UCHL5: variants seen among roughly 807,000 people sequenced by gnomAD.
UCHL5 encodes ubiquitin C-terminal hydrolase L5.
In UCHL5, 34 loss-of-function variants were observed where a neutral mutation model predicts 53.8. The ratio of observed to expected loss-of-function variants is 0.63; its 90% CI spans 0.48 to 0.84. The LOEUF (loss-of-function observed/expected upper bound fraction) is 0.84, where lower values mean the gene tolerates loss of function less well. Among genes scored for constraint, UCHL5 ranks in the 40% least tolerant of loss-of-function variants. The pLI, the probability that UCHL5 is intolerant of heterozygous loss-of-function variation, is 0.00. For synonymous variants in UCHL5, 111 were observed against 126.3 expected, an observed-to-expected ratio of 0.88 and a Z score of 0.81; for missense variants, 290 against 385.6, an observed-to-expected ratio of 0.75 and a Z score of 2.08.
At chr1:193,017,351 ATC>A (rs1259466695) in intron 10 of UCHL5, among the ~76,000 whole-genome samples, 5 of 151,724 alleles carry the variant, frequency 3.3e-5, no homozygotes, top group Admixed American at 6.6e-5. Context: ...AACAATTACA[ATC>A]TCTTTTTGTA....
At position 193,022,964 on chromosome 1, in the gene UCHL5, G is replaced by A; in HGVS notation, c.805C>T (p.Leu269Phe). 1 of 1,612,790 alleles carries A rather than the reference G, an allele frequency of 6.2e-7. No individual in the cohort carries two copies. The highest frequency in any genetic ancestry group is 8.5e-7 in the Non-Finnish European group (1 of 1,179,282). Residue 269 changes from leucine (L) to phenylalanine (F), a missense_variant, in exon 9 of 11, where the codon CTT becomes TTT. Leu to Phe is a conservative substitution (Grantham distance 22). Coordinates refer to ENST00000367454, the MANE Select transcript of UCHL5 (RefSeq NM_001199261.3). The part of the protein sequence containing the change: ...IQSEVAKNQM[L>F]IEEEVQKLKR... ...AATTTCTGTACTTCTTCTTCAATAA[G>A]CATCTGATTTTTGGCAACTTCTGAC... is the stretch of plus-strand genomic sequence containing the variant.
upstream of UCHL5, chr1:193,059,867 A>C: frequency 7.3e-7 from 1 of 1,364,514 alleles, no homozygotes; most frequent in Non-Finnish European, 9.8e-7. The surrounding 1 kb of genome is among the most constrained non-coding windows in gnomAD (Gnocchi z 4.9). Context: ...TCTCACCCGC[A>C]TCCCAGGGGT....
chr1:193,058,829 GA>G (rs1280075501), intron 1 of UCHL5, among the ~76,000 whole-genome samples: 20 of 152,352 alleles, frequency 1.3e-4, no homozygotes, highest in Admixed American at 4.6e-4. Context: ...ACCAGCCCGG[GA>G]TAAGGTGCGC....
chr1:193,050,667 A>G (rs1668729803), intron 2 of UCHL5, among the ~76,000 whole-genome samples: 1 of 151,852 alleles, frequency 6.6e-6, no homozygotes. Flanking sequence ...AATCACTTGT[A>G]CCCGGGAGGC....
At position 193,049,839 on chromosome 1, in the gene UCHL5, C is replaced by G. The variant is rs1451499313; in HGVS notation, c.153G>C (p.Gly51=). 1 of 1,609,692 alleles carries G rather than the reference C, an allele frequency of 6.2e-7. No homozygotes were observed. Among genetic ancestry groups the G allele is most frequent in the East Asian group, 2.2e-5 (1 of 44,774 alleles). ...ENFEKLKPVH[G]LIFLFKWQPG... Reference sequence around the variant, plus strand: ...GCTGCCACTTGAAAAGAAAAATTAACCCATGAACTGGCCTACAAAATAAAA... The same window carrying G: ...GCTGCCACTTGAAAAGAAAAATTAAGCCATGAACTGGCCTACAAAATAAAA... The change falls in exon 3 of 11, where the codon GGG becomes GGC. Residue 51 remains glycine (G), a synonymous_variant. Transcript: ENST00000367454.
rs185614352 is a variant in UCHL5 at position 193,041,816 on chromosome 1, A to G, written c.246+7930T>C. Among the ~76,000 whole-genome samples, 4 of 152,288 alleles carry G rather than the reference A, an allele frequency of 2.6e-5. No homozygotes were observed. In the East Asian group the frequency reaches 5.8e-4, roughly 22 times the overall value. ...AATAAACTTATGGATGAATCTTAAC[A>G]ATATAATATTAAGTGAAAAAAGTAG... is the stretch of plus-strand genomic sequence containing the variant. On this transcript the variant is annotated intron_variant, in intron 3 of 10. Coordinates refer to ENST00000367454, the MANE Select transcript of UCHL5 (RefSeq NM_001199261.3).
At position 193,028,073 on chromosome 1, in the gene UCHL5, C is replaced by A. The variant is rs771635505; in HGVS notation, c.629+12G>T. On this transcript the variant is annotated intron_variant, in intron 7 of 10. Coordinates refer to ENST00000367454, the MANE Select transcript of UCHL5 (RefSeq NM_001199261.3). ...CAGAATATTATGCCAATGAGATTAG[C>A]TGAGCATTTACTTTTGTATCCTTTT... 1 of 1,602,388 alleles carries A rather than the reference C, an allele frequency of 6.2e-7. No homozygotes were observed. The highest frequency in any genetic ancestry group is 8.5e-7 in the Non-Finnish European group (1 of 1,177,208).
In UCHL5 at chr1:193,020,987, C is replaced by T. The variant is rs188566220; in HGVS notation, c.942+110G>A. ...AGAGGCAAAAGCAAAAGAATAAAAACGTACAAGCTTCCAAAAATTTTACCT... is the reference window on the plus strand; with the variant it reads ...AGAGGCAAAAGCAAAAGAATAAAAATGTACAAGCTTCCAAAAATTTTACCT... On this transcript the variant is annotated intron_variant, in intron 10 of 10. Coordinates refer to ENST00000367454, the MANE Select transcript of UCHL5 (RefSeq NM_001199261.3). 3.0e-3 allele frequency: 2,178 copies of T among 724,256 alleles called. 7 individuals are homozygous for T. The highest frequency in any genetic ancestry group is 3.9e-3 in the Non-Finnish European group (1,708 of 439,360). 44.9% of individuals were successfully genotyped at this position (724,256 alleles called of 1,614,324 possible).
chr1:193,029,944 A>G (rs1453899032), intron 3 of UCHL5, among the ~76,000 whole-genome samples: 1 of 152,188 alleles, frequency 6.6e-6, no homozygotes, highest in Admixed American at 6.5e-5. Context: ...TGGAAAACAT[A>G]GCTGATTAAG....
intron 1 of UCHL5, among the ~76,000 whole-genome samples, chr1:193,054,415 A>C (rs1670019220): frequency 1.3e-5 from 2 of 152,178 alleles, no homozygotes; most frequent in Admixed American, 1.3e-4. Flanking sequence ...CTGCCAAAAA[A>C]CACTCCCATA....
At position 193,013,034 on chromosome 1, in the gene UCHL5, C is replaced by T. The variant is rs968640620; in HGVS notation, c.*3317G>A. 3.9e-5 allele frequency: 6 copies of T among 152,116 alleles called. No individual in the cohort carries two copies. Among genetic ancestry groups the T allele is most frequent in the South Asian group, 2.1e-4 (1 of 4,832 alleles). The allele number at this position is 152,116 out of a possible 1,614,324, so 9.4% of individuals were successfully genotyped here. On this transcript the variant is annotated 3_prime_UTR_variant, in exon 11 of 11. Coordinates refer to ENST00000367454, the MANE Select transcript of UCHL5 (RefSeq NM_001199261.3). Reference sequence around the variant, plus strand: ...TAGGAATTCATACTACTCTAAAAAACGCAGTATCATTCTAAAAATATAACT... The same window carrying T: ...TAGGAATTCATACTACTCTAAAAAATGCAGTATCATTCTAAAAATATAACT...
At chr1:193,025,241 T>C (rs997462711) in intron 7 of UCHL5, among the ~76,000 whole-genome samples, 16 of 152,214 alleles carry the variant, frequency 1.1e-4, no homozygotes, top group Admixed American at 2.0e-4. Flanking sequence ...CATTCCACTA[T>C]AGCCAAACAT....
Position 193,029,193 on chromosome 1 carries a change from C to T in UCHL5, c.551G>A (p.Gly184Glu). The change falls in exon 6 of 11, where the codon GGA becomes GAA. Residue 184 changes from glycine (G) to glutamate (E), a missense_variant. Transcript: ENST00000367454. ...AACTGCATTACCTAAATCAATCGGT[C>T]CTTCTCTTAATCCATCTAATTCATA... The part of the protein sequence containing the change: ...RLYELDGLRE[G>E]PIDLGACNQD... The T allele has an allele frequency of 6.2e-7, 1 of 1,612,716 alleles. No homozygotes were observed. The highest frequency in any genetic ancestry group is 8.5e-7 in the Non-Finnish European group (1 of 1,179,550).
Position 193,059,059 on chromosome 1 carries a change from C to T in UCHL5, c.76+126G>A. 2 of 941,782 alleles carry T rather than the reference C, an allele frequency of 2.1e-6. No homozygotes were observed. The highest frequency in any genetic ancestry group is 3.1e-6 in the Non-Finnish European group (2 of 643,932). 58.3% of individuals were successfully genotyped at this position (941,782 alleles called of 1,614,324 possible). On this transcript the variant is annotated intron_variant, in intron 1 of 10. Transcript: ENST00000367454. The surrounding 1 kb of genome is among the most constrained non-coding windows in gnomAD (Gnocchi z 4.9). ...GCAGAACATCTACATTTCCCCCACC[C>T]GGACTCCAGGTTCCTGAAGTCACCT...
intron 1 of UCHL5, among the ~76,000 whole-genome samples, chr1:193,058,065 A>T (rs1279786438): frequency 7.1e-6 from 1 of 141,496 alleles, no homozygotes; most frequent in African/African-American, 2.6e-5. Context: ...TGTCTCTACT[A>T]AAAAAAAAAA....
At chr1:193,027,834 G>C (rs1659885480) in intron 7 of UCHL5, 1 of 1,207,794 alleles carries the variant, frequency 8.3e-7, no homozygotes, top group Non-Finnish European at 1.1e-6. Flanking sequence ...ATCAAAAGTA[G>C]ATGTTTGGCT....
intron 3 of UCHL5, among the ~76,000 whole-genome samples, chr1:193,031,696 C>A (rs1661471237): frequency 6.6e-6 from 1 of 152,100 alleles, no homozygotes; most frequent in Non-Finnish European, 1.5e-5. Context: ...TTACTGAGCA[C>A]CTACTACGTG....
Position 193,026,113 on chromosome 1 carries a change from G to A in UCHL5, c.629+1972C>T, listed in dbSNP as rs141099001. Reference sequence around the variant, plus strand: ...GCAAAAAAAAAAAAAAAAATGACCCGTGATCTAAATGTCATACCATATACA... The same window carrying A: ...GCAAAAAAAAAAAAAAAAATGACCCATGATCTAAATGTCATACCATATACA... On this transcript the variant is annotated intron_variant, in intron 7 of 10. Transcript: ENST00000367454. Among the ~76,000 whole-genome samples the A allele has an allele frequency of 9.2e-4, 134 of 146,058 alleles. 1 individual carries two copies. Among genetic ancestry groups the A allele is most frequent in the African/African-American group, 2.8e-3 (113 of 39,878 alleles).
chr1:193,027,506 G>C (rs1659725095), intron 7 of UCHL5, among the ~76,000 whole-genome samples: 2 of 151,928 alleles, frequency 1.3e-5, no homozygotes, highest in African/African-American at 4.8e-5. Flanking sequence ...AGAACATGGT[G>C]AAACCCCACC....
Sources: gnomAD v4.1 joint callset for allele counts (sites outside exome capture counted in the v4.1 genomes callset) on GRCh38, gnomAD v4.1.1 for gene constraint, Gnocchi (gnomAD v3.1) non-coding constraint, MANE v1.5 for transcripts, NCBI Gene and HGNC (gene_info 2026-07-23, HGNC 2026-07-21) for gene names.